CDS2: variants seen among roughly 807,000 people sequenced by gnomAD.
CDS2 encodes phosphatidate cytidylyltransferase 2.
Under a neutral mutation model 59.0 loss-of-function variants are expected in CDS2, and 47 were observed. That is an observed-to-expected ratio of 0.80 (90% confidence interval 0.63 to 1.02). The LOEUF is 1.02. Among genes scored for constraint, CDS2 ranks in the 50% least tolerant of loss-of-function variants. CDS2 has a pLI of 0.00. For missense variants in CDS2, 356 were observed against 558.9 expected (o/e 0.64, Z 3.66); for synonymous variants, 207 against 206.4 (o/e 1.00, Z -0.02).
At chr20:5,127,684 C>T (rs1262840562) in intron 1 of CDS2, among the ~76,000 whole-genome samples, 1 of 152,070 alleles carries the variant, frequency 6.6e-6, no homozygotes. Flanking sequence ...TGAGCCAGTC[C>T]GTCATCAGCA....
intron 1 of CDS2, among the ~76,000 whole-genome samples, chr20:5,155,144 A>C (rs1354228786): frequency 6.6e-6 from 1 of 152,116 alleles, no homozygotes; most frequent in Non-Finnish European, 1.5e-5. Context: ...ACCACCCTCC[A>C]TTTTATGGTG....
intron 10 of CDS2, among the ~76,000 whole-genome samples, chr20:5,188,289 T>A (rs1426932995): frequency 2.6e-5 from 4 of 152,202 alleles, no homozygotes; most frequent in Non-Finnish European, 4.4e-5. Flanking sequence ...ATTGATAGAA[T>A]TCTAGATTCC....
intron 1 of CDS2, among the ~76,000 whole-genome samples, chr20:5,165,828 T>C (rs895491991): frequency 6.6e-6 from 1 of 152,112 alleles, no homozygotes; most frequent in Admixed American, 6.6e-5. Context: ...TGGGTTTTAG[T>C]AGAGGGTGGT....
chr20:5,161,413 C>T (rs971223990), intron 1 of CDS2, among the ~76,000 whole-genome samples: 12 of 152,142 alleles, frequency 7.9e-5, no homozygotes, highest in African/African-American at 2.4e-4. Context: ...TCCATTATTG[C>T]AGAAAGTTCT....
chr20:5,184,822 T>A lies in CDS2; in HGVS notation c.672-36T>A. The stretch of plus-strand genomic sequence containing the variant: ...TGTGTACTTTTGAGGTACTGTCACC[T>A]TGCTTGAGTTGATCCTTACTTTGGT... On this transcript the variant is annotated intron_variant, in intron 7 of 12. Coordinates refer to ENST00000460006, the MANE Select transcript of CDS2 (RefSeq NM_003818.4). The surrounding 1 kb of genome is among the most constrained non-coding windows in gnomAD (Gnocchi z 4.3). 1.3e-6 allele frequency: 2 copies of A among 1,500,610 alleles called. No homozygotes were observed. Among genetic ancestry groups the A allele is most frequent in the South Asian group, 2.3e-5 (2 of 88,650 alleles). The allele number at this position is 1,500,610 out of a possible 1,614,324, so 93.0% of individuals were successfully genotyped here.
intron 1 of CDS2, among the ~76,000 whole-genome samples, chr20:5,135,456 G>GTTTGTGTA (rs982724925): frequency 7.2e-6 from 1 of 139,400 alleles, no homozygotes; most frequent in African/African-American, 3.4e-5. Context: ...CTGTTTGTGT[G>GTTTGTGTA]TCATACTGCC....
At chr20:5,169,643 T>G (rs534228965) in intron 1 of CDS2, among the ~76,000 whole-genome samples, 5 of 152,220 alleles carry the variant, frequency 3.3e-5, no homozygotes, top group Admixed American at 6.5e-5. Flanking sequence ...CATATGCATA[T>G]GTCTTGATAA....
chr20:5,155,464 C>T (rs2090825880), intron 1 of CDS2, among the ~76,000 whole-genome samples: 1 of 151,792 alleles, frequency 6.6e-6, no homozygotes, highest in South Asian at 2.1e-4. Context: ...TGCCCTCTTA[C>T]TGTAAATATA....
At chr20:5,151,577 T>C (rs1191644906) in intron 1 of CDS2, among the ~76,000 whole-genome samples, 2 of 151,828 alleles carry the variant, frequency 1.3e-5, no homozygotes, top group Admixed American at 6.6e-5. Context: ...CTTGGTAAGA[T>C]AGCAGGATCC....
In CDS2 at chr20:5,194,384, T is replaced by A. The variant is rs1267445281; in HGVS notation, c.*4150T>A. ...TGCCTGGCCCACCTTCTCTTGGGCC[T>A]GGACTCTCCTTATCCACATCCCTGC... On this transcript the variant is annotated 3_prime_UTR_variant, in exon 13 of 13. Transcript: ENST00000460006. 1 of 152,266 alleles carries A rather than the reference T, an allele frequency of 6.6e-6. No homozygotes were observed. Among genetic ancestry groups the A allele is most frequent in the Non-Finnish European group, 1.5e-5 (1 of 68,066 alleles). The allele number at this position is 152,266 out of a possible 1,614,324, so 9.4% of individuals were successfully genotyped here. A position where few individuals can be genotyped will look rare whatever the true frequency, so the allele number is the denominator to read the frequency against.
At position 5,187,173 on chromosome 20, in the gene CDS2, G is replaced by A. The variant is rs986161914; in HGVS notation, c.981+334G>A. On this transcript the variant is annotated intron_variant, in intron 10 of 12. Coordinates refer to ENST00000460006, the MANE Select transcript of CDS2 (RefSeq NM_003818.4). ...TGACATTATTTTCCTTTTTCAATGT[G>A]TTGACATTTGCTGTGATACGGCGCA... 7 of 259,190 alleles carry A rather than the reference G, an allele frequency of 2.7e-5. No individual in the cohort carries two copies. The East Asian group carries it at 4.7e-4, about 17-fold the overall frequency. The allele number at this position is 259,190 out of a possible 1,614,324, so 16.1% of individuals were successfully genotyped here. A position where few individuals can be genotyped will look rare whatever the true frequency, so the allele number is the denominator to read the frequency against.
At chr20:5,142,871 T>C (rs1568529648) in intron 1 of CDS2, among the ~76,000 whole-genome samples, 1 of 152,138 alleles carries the variant, frequency 6.6e-6, no homozygotes. Context: ...TTTATTTTTT[T>C]TGAGACAGGT....
intron 1 of CDS2, among the ~76,000 whole-genome samples, chr20:5,137,995 C>T (rs967208953): frequency 6.6e-6 from 1 of 151,650 alleles, no homozygotes; most frequent in Admixed American, 6.6e-5. Flanking sequence ...GATGGGGTTT[C>T]GCTATGTTAG....
At chr20:5,161,820 TCTC>T (rs2090878574) in intron 1 of CDS2, among the ~76,000 whole-genome samples, 1 of 152,206 alleles carries the variant, frequency 6.6e-6, no homozygotes, top group Non-Finnish European at 1.5e-5. Context: ...CTCTTTTTTG[TCTC>T]CTTACTGTTT....
intron 5 of CDS2, among the ~76,000 whole-genome samples, chr20:5,179,946 G>A (rs1422222247): frequency 6.6e-6 from 1 of 152,154 alleles, no homozygotes; most frequent in Non-Finnish European, 1.5e-5. Context: ...TTTTTGATCA[G>A]CTTGATAGCA....
At chr20:5,141,349 GT>G (rs1231636715) in intron 1 of CDS2, among the ~76,000 whole-genome samples, 1 of 152,200 alleles carries the variant, frequency 6.6e-6, no homozygotes, top group Non-Finnish European at 1.5e-5. Context: ...CATGCAATGT[GT>G]GCATCTAATG....
chr20:5,150,016 T>G (rs551195575), intron 1 of CDS2, among the ~76,000 whole-genome samples: 1 of 152,284 alleles, frequency 6.6e-6, no homozygotes, highest in African/African-American at 2.4e-5. Context: ...CTCCTGGCCC[T>G]CCTAGTATTT....
intron 1 of CDS2, among the ~76,000 whole-genome samples, chr20:5,144,910 T>TA (rs1353519098): frequency 6.6e-6 from 1 of 152,126 alleles, no homozygotes; most frequent in Non-Finnish European, 1.5e-5. Context: ...CCCATCCAGT[T>TA]ACTACTATTG....
intron 1 of CDS2, among the ~76,000 whole-genome samples, chr20:5,140,321 T>C (rs2122967326): frequency 6.6e-6 from 1 of 152,326 alleles, no homozygotes; most frequent in South Asian, 2.1e-4. Flanking sequence ...AGGGATGTAC[T>C]TTGTTTAGGT....
Sources: allele counts gnomAD v4.1 joint callset (sites outside exome capture counted in the v4.1 genomes callset), GRCh38; gene constraint gnomAD v4.1.1; non-coding constraint Gnocchi (gnomAD v3.1); transcripts MANE v1.5; gene names NCBI Gene and HGNC (gene_info 2026-07-23, HGNC 2026-07-21).